Variants in MACROD2 observed in about 807,000 individuals in gnomAD.
MACROD2 encodes mono-ADP ribosylhydrolase 2, also known as ADP-ribose glycohydrolase MACROD2.
A neutral mutation model predicts 70.4 loss-of-function variants in MACROD2; 36 were observed. The observed-to-expected ratio is 0.51, with a 90% CI of 0.39 to 0.68. MACROD2 has a LOEUF of 0.68. Among genes scored for constraint, MACROD2 ranks in the 30% least tolerant of loss-of-function variants. The pLI is 0.00. For synonymous variants in MACROD2, 172 were observed against 178.8 expected (o/e 0.96, Z 0.30); for missense variants, 496 against 538.4 (o/e 0.92, Z 0.78).
intron 8 of MACROD2, among the ~76,000 whole-genome samples, chr20:15,857,073 A>AGAATCCTT (rs1238225920): frequency 4.6e-5 from 7 of 152,254 alleles, no homozygotes; most frequent in Non-Finnish European, 1.0e-4. Flanking sequence ...TCAGATAAGC[A>AGAATCCTT]GAATCCTTGA....
chr20:14,235,977 A>G (rs922940267), intron 3 of MACROD2, among the ~76,000 whole-genome samples: 1 of 152,154 alleles, frequency 6.6e-6, no homozygotes, highest in African/African-American at 2.4e-5. Context: ...ACTAGTTGCC[A>G]GTTAACCCAC....
chr20:15,629,230 A>G (rs1365002905), intron 8 of MACROD2, among the ~76,000 whole-genome samples: 1 of 152,186 alleles, frequency 6.6e-6, no homozygotes, highest in East Asian at 1.9e-4. Flanking sequence ...CCAGCAGTGT[A>G]TGAGAATTTC....
At chr20:15,005,478 CTTG>C (rs1399247118) in intron 5 of MACROD2, among the ~76,000 whole-genome samples, 2 of 152,142 alleles carry the variant, frequency 1.3e-5, no homozygotes, top group Non-Finnish European at 2.9e-5. Context: ...ATCAAATATT[CTTG>C]TTGTTGGAGA....
At chr20:14,752,546 C>T (rs900102917) in intron 5 of MACROD2, among the ~76,000 whole-genome samples, 3 of 152,106 alleles carry the variant, frequency 2.0e-5, no homozygotes, top group Non-Finnish European at 2.9e-5. Flanking sequence ...ATCTTCTGAA[C>T]CTCATCTCCT....
intron 4 of MACROD2, among the ~76,000 whole-genome samples, chr20:14,684,588 T>G (rs2070976035): frequency 6.6e-6 from 1 of 152,092 alleles, no homozygotes; most frequent in Non-Finnish European, 1.5e-5. Context: ...CCAGAGAACC[T>G]GTTGTTTAAC....
chr20:15,018,580 GA>G (rs1226080052), intron 5 of MACROD2, among the ~76,000 whole-genome samples: 1 of 151,746 alleles, frequency 6.6e-6, no homozygotes, highest in African/African-American at 2.4e-5. Context: ...CTCTTAGAGG[GA>G]CAGAATTAAT....
chr20:14,619,990 A>C (rs2123450082), intron 4 of MACROD2, among the ~76,000 whole-genome samples: 1 of 152,264 alleles, frequency 6.6e-6, no homozygotes, highest in Non-Finnish European at 1.5e-5. Flanking sequence ...CTTTGTCTAA[A>C]AGACTATGTG....
At chr20:15,885,512 A>G (rs2064810861) in intron 9 of MACROD2, among the ~76,000 whole-genome samples, 1 of 152,184 alleles carries the variant, frequency 6.6e-6, no homozygotes, top group African/African-American at 2.4e-5. Context: ...AAACGATTGC[A>G]TATACAGTTA....
intron 8 of MACROD2, among the ~76,000 whole-genome samples, chr20:15,555,828 CAA>C (rs397838341): frequency 0.049 from 904 of 18,350 alleles, 5 homozygotes; most frequent in African/African-American, 0.15. Context: ...GACTCCATCT[CAA>C]AAAAAAAAAA....
At chr20:14,111,639 C>A (rs2054452508) in intron 3 of MACROD2, among the ~76,000 whole-genome samples, 1 of 151,974 alleles carries the variant, frequency 6.6e-6, no homozygotes, top group Non-Finnish European at 1.5e-5. Flanking sequence ...CAGAGAAATA[C>A]ACATCAAAAC....
chr20:15,505,759 A>G (rs2047418628), intron 8 of MACROD2, among the ~76,000 whole-genome samples: 1 of 152,164 alleles, frequency 6.6e-6, no homozygotes. Context: ...AATCACTGGC[A>G]AGGAAAAACC....
chr20:14,208,799 G>T (rs2081546775), intron 3 of MACROD2, among the ~76,000 whole-genome samples: 1 of 152,124 alleles, frequency 6.6e-6, no homozygotes, highest in Admixed American at 6.6e-5. Flanking sequence ...GCCTCAAAAA[G>T]GGCTGAATAC....
intron 8 of MACROD2, among the ~76,000 whole-genome samples, chr20:15,702,313 C>A (rs967160391): frequency 4.6e-5 from 7 of 152,208 alleles, no homozygotes; most frequent in Admixed American, 3.3e-4. Flanking sequence ...TTCTCTGCAA[C>A]CATGCCAGCA....
At chr20:15,772,517 A>G (rs940114909) in intron 8 of MACROD2, among the ~76,000 whole-genome samples, 13 of 152,074 alleles carry the variant, frequency 8.5e-5, no homozygotes, top group African/African-American at 2.9e-4. Flanking sequence ...TACTGTTATG[A>G]TTTGATTCTA....
chr20:14,268,647 A>G (rs977979707), intron 3 of MACROD2, among the ~76,000 whole-genome samples: 1 of 152,200 alleles, frequency 6.6e-6, no homozygotes, highest in Non-Finnish European at 1.5e-5. Context: ...TACGACCAAA[A>G]GAAACACCAG....
intron 5 of MACROD2, among the ~76,000 whole-genome samples, chr20:14,686,068 T>G (rs1223905321): frequency 3.3e-5 from 5 of 152,058 alleles, no homozygotes; most frequent in African/African-American, 1.2e-4. Flanking sequence ...CATCCTATAT[T>G]GTTCATAATG....
chr20:15,670,249 C>T (rs1046867753), intron 8 of MACROD2, among the ~76,000 whole-genome samples: 1 of 152,172 alleles, frequency 6.6e-6, no homozygotes. Context: ...TTTGGAATAC[C>T]TATGAGCTTT....
At chr20:14,085,068 GCA>G (rs2054060391) in intron 2 of MACROD2, among the ~76,000 whole-genome samples, 1 of 218 alleles carries the variant, frequency 4.6e-3, no homozygotes, top group East Asian at 0.083. Flanking sequence ...GGGGCTGAGG[GCA>G]GAGAATCTAT....
At chr20:15,805,053 C>A (rs2063756887) in intron 8 of MACROD2, among the ~76,000 whole-genome samples, 1 of 152,206 alleles carries the variant, frequency 6.6e-6, no homozygotes, top group African/African-American at 2.4e-5. Context: ...TTCTCTATCT[C>A]ACTTTTCAAT....
Sources: allele counts gnomAD v4.1 joint callset (sites outside exome capture counted in the v4.1 genomes callset), GRCh38; gene constraint gnomAD v4.1.1; transcripts MANE v1.5; gene names NCBI Gene and HGNC (gene_info 2026-07-23, HGNC 2026-07-21).